The following TBC1D22A variants were observed in gnomAD, a reference collection of about 807,000 sequenced individuals.
The protein encoded by TBC1D22A is putative GTPase activator.
A neutral mutation model predicts 60.2 loss-of-function variants in TBC1D22A; 38 were observed. The ratio of observed to expected loss-of-function variants is 0.63; its 90% confidence interval spans 0.49 to 0.83. The LOEUF (loss-of-function observed/expected upper bound fraction) is 0.83, where lower values mean the gene tolerates loss of function less well. TBC1D22A is among the 40% of genes least tolerant of loss of function. The pLI is 0.00. For missense variants in TBC1D22A, 628 were observed against 701.0 expected, an observed-to-expected ratio of 0.90 and a Z score of 1.18; for synonymous variants, 302 against 281.7, an observed-to-expected ratio of 1.07 and a Z score of -0.72.
intron 10 of TBC1D22A, among the ~76,000 whole-genome samples, chr22:47,003,889 C>A (rs2061489155): frequency 6.8e-6 from 1 of 147,872 alleles, no homozygotes; most frequent in Non-Finnish European, 1.5e-5. Flanking sequence ...TATACACACA[C>A]CCTACACACG....
At chr22:46,962,470 T>C (rs1046824440) in intron 8 of TBC1D22A, among the ~76,000 whole-genome samples, 1 of 152,274 alleles carries the variant, frequency 6.6e-6, no homozygotes, top group Non-Finnish European at 1.5e-5. Flanking sequence ...TAAAATGTTC[T>C]GCTCTTTCAC....
At position 46,973,363 on chromosome 22, in the gene TBC1D22A, T is replaced by G. The variant is rs184836038; in HGVS notation, c.1016-927T>G. On this transcript the variant is annotated intron_variant, in intron 8 of 12. Transcript: ENST00000337137. ...GTGGTGACAGCAGAGTGGTGACAGC[T>G]GAAATGAGCACGCACATTCACAGTG... Among the ~76,000 whole-genome samples, 443 of 152,298 alleles carry G rather than the reference T, an allele frequency of 2.9e-3. 5 individuals are homozygous for G. Among genetic ancestry groups the G allele is most frequent in the East Asian group, 0.012 (62 of 5,180 alleles).
chr22:47,162,674 G>A (rs2068037357), intron 12 of TBC1D22A, among the ~76,000 whole-genome samples: 1 of 49,426 alleles, frequency 2.0e-5, no homozygotes, highest in South Asian at 4.3e-4. Flanking sequence ...ACCCGGTGCA[G>A]GGAGAGTCGT....
chr22:47,008,665 A>G (rs1298572336), intron 10 of TBC1D22A, among the ~76,000 whole-genome samples: 1 of 152,232 alleles, frequency 6.6e-6, no homozygotes, highest in Non-Finnish European at 1.5e-5. Flanking sequence ...TGCATCTGGA[A>G]GGCAGCCTGT....
rs757846274 is a variant in TBC1D22A at position 47,111,566 on chromosome 22, G to A, written c.1388G>A (p.Arg463Lys). 1 of 1,614,162 alleles carries A rather than the reference G, an allele frequency of 6.2e-7. No individual in the cohort carries two copies. Among genetic ancestry groups the A allele is most frequent in the East Asian group, 2.2e-5 (1 of 44,882 alleles). The change falls in exon 12 of 13, where the codon AGA becomes AAA. Residue 463 changes from arginine (R) to lysine (K), a missense_variant. Arg to Lys is a conservative substitution (Grantham distance 26, BLOSUM62 2). Coordinates refer to ENST00000337137, the MANE Select transcript of TBC1D22A (RefSeq NM_014346.5). ...TACGTGTGCGCTGCTTTTCTCGTGA[G>A]ATGGAGGAAGGAAATACTAGAAGAA... is the stretch of plus-strand genomic sequence containing the variant. ...HLYVCAAFLV[R>K]WRKEILEEKD...
Position 46,810,412 on chromosome 22 carries a change from G to A in TBC1D22A, c.637+12792G>A, listed in dbSNP as rs1013653269. On this transcript the variant is annotated intron_variant, in intron 4 of 12. Transcript: ENST00000337137. ...TTCTTTTAAAAATACAAATGAAAACGTAATAGTGTTACGTGCCCCTTTTCT... is the reference window on the plus strand; with the variant it reads ...TTCTTTTAAAAATACAAATGAAAACATAATAGTGTTACGTGCCCCTTTTCT... Among the ~76,000 whole-genome samples, 15 of 150,768 alleles carry A rather than the reference G, an allele frequency of 9.9e-5. No homozygotes were observed. The South Asian group carries it at 1.7e-3, about 17-fold the overall frequency.
At position 46,869,163 on chromosome 22, in the gene TBC1D22A, C is replaced by T. The variant is rs191625317; in HGVS notation, c.638-9490C>T. Among the ~76,000 whole-genome samples the T allele has an allele frequency of 1.9e-3, 282 of 152,308 alleles. 1 individual carries two copies. The highest frequency in any genetic ancestry group is 2.7e-3 in the Non-Finnish European group (186 of 68,040). ...GTTTATGACATTATTCCTTTACTGC[C>T]CTGTTGGTGAGAGTTAGGGAGTAGT... On this transcript the variant is annotated intron_variant, in intron 4 of 12. Transcript: ENST00000337137.
intron 8 of TBC1D22A, among the ~76,000 whole-genome samples, chr22:46,933,580 C>G (rs911043569): frequency 6.6e-6 from 1 of 151,878 alleles, no homozygotes; most frequent in African/African-American, 2.4e-5. Context: ...CTCTTCCACA[C>G]AGGGATGCTA....
intron 5 of TBC1D22A, among the ~76,000 whole-genome samples, chr22:46,887,653 G>GA (rs1394693749): frequency 2.0e-5 from 3 of 152,186 alleles, no homozygotes; most frequent in Admixed American, 6.5e-5. Flanking sequence ...CAGCCAGACA[G>GA]AAAAAATGCC....
chr22:47,171,405 A>G (rs1466648706), intron 12 of TBC1D22A, among the ~76,000 whole-genome samples: 6 of 152,034 alleles, frequency 3.9e-5, no homozygotes, highest in Admixed American at 2.6e-4. Context: ...GGTGGGAGGT[A>G]GGAGAAGCCG....
chr22:46,897,715 A>G (rs1384260066), intron 7 of TBC1D22A, among the ~76,000 whole-genome samples: 3 of 145,156 alleles, frequency 2.1e-5, no homozygotes, highest in African/African-American at 7.8e-5. Context: ...ACCTGCCTCC[A>G]GACCCTATTC....
At chr22:47,078,719 C>T (rs569217123) in intron 11 of TBC1D22A, among the ~76,000 whole-genome samples, 16 of 152,344 alleles carry the variant, frequency 1.1e-4, no homozygotes, top group African/African-American at 3.1e-4. Context: ...TGCTGCACTA[C>T]CTGTGGTGAC....
At chr22:47,110,081 C>G (rs2065791765) in intron 11 of TBC1D22A, among the ~76,000 whole-genome samples, 1 of 152,240 alleles carries the variant, frequency 6.6e-6, no homozygotes, top group African/African-American at 2.4e-5. Flanking sequence ...TCTGCGGTAG[C>G]TGTGCTGGTC....
rs192063706 is a variant in TBC1D22A, at chr22:46,922,968, G to A, written c.1015+10780G>A. ...GGACTTCCAGTACTCTATTGAATAG[G>A]AGTTTTGAGAGTGGGCATCCTTGTC... On this transcript the variant is annotated intron_variant, in intron 8 of 12. Transcript: ENST00000337137. Among the ~76,000 whole-genome samples the A allele has an allele frequency of 3.9e-4, 60 of 152,262 alleles. No homozygotes were observed. The East Asian group carries it at 0.011, about 27-fold the overall frequency.
chr22:46,894,344 TC>T (rs1253778783), intron 6 of TBC1D22A, among the ~76,000 whole-genome samples: 1 of 152,066 alleles, frequency 6.6e-6, no homozygotes, highest in Non-Finnish European at 1.5e-5. Flanking sequence ...TGTTCTAGAT[TC>T]CCCCAGGACT....
intron 7 of TBC1D22A, among the ~76,000 whole-genome samples, chr22:46,907,377 C>T (rs552184612): frequency 1.3e-5 from 2 of 152,294 alleles, no homozygotes; most frequent in East Asian, 1.9e-4. Context: ...GACTGGTTGA[C>T]GTTTGAAGTG....
intron 8 of TBC1D22A, among the ~76,000 whole-genome samples, chr22:46,933,585 A>G (rs2071473548): frequency 6.6e-6 from 1 of 151,642 alleles, no homozygotes; most frequent in Non-Finnish European, 1.5e-5. Context: ...CCACACAGGG[A>G]TGCTATTTAA....
intron 4 of TBC1D22A, among the ~76,000 whole-genome samples, chr22:46,841,789 T>G (rs994386009): frequency 1.3e-4 from 20 of 152,356 alleles, no homozygotes; most frequent in African/African-American, 4.8e-4. Flanking sequence ...TAGTTAACAG[T>G]ACTGTATGGT....
At chr22:46,984,405 A>AAAAAAAAAAG (rs1569304186) in intron 9 of TBC1D22A, among the ~76,000 whole-genome samples, 2 of 135,244 alleles carry the variant, frequency 1.5e-5, no homozygotes, top group African/African-American at 2.9e-5. Context: ...AAAAAAAAAA[A>AAAAAAAAAAG]AGAGAAGTTC....
Sources: allele counts gnomAD v4.1 joint callset (sites outside exome capture counted in the v4.1 genomes callset), GRCh38; gene constraint gnomAD v4.1.1; transcripts MANE v1.5; gene names NCBI Gene and HGNC (gene_info 2026-07-23, HGNC 2026-07-21).